Variants in TRPC4AP observed in about 807,000 individuals in gnomAD.
TRPC4AP encodes the protein transient receptor potential cation channel subfamily C member 4 associated protein.
TRPC4AP carries 45 observed loss-of-function variants against 99.0 expected under a neutral mutation model. The observed-to-expected ratio is 0.45, with a 90% CI of 0.36 to 0.58. The LOEUF (loss-of-function observed/expected upper bound fraction) is 0.58. Among genes scored for constraint, TRPC4AP ranks in the 20% least tolerant of loss-of-function variants. The pLI is 0.00. For synonymous variants in TRPC4AP, 408 were observed against 385.8 expected (o/e 1.06, Z -0.67); for missense variants, 879 against 985.3 (o/e 0.89, Z 1.44).
intron 6 of TRPC4AP, among the ~76,000 whole-genome samples, chr20:35,046,661 G>C (rs1382793752): frequency 6.6e-6 from 1 of 152,062 alleles, no homozygotes; most frequent in African/African-American, 2.4e-5. Context: ...TGGAGGACAG[G>C]AATTTGCTGT....
At chr20:35,014,314 A>ATTTTTTTTTT (rs66518839) in intron 10 of TRPC4AP, among the ~76,000 whole-genome samples, 1 of 113,190 alleles carries the variant, frequency 8.8e-6, no homozygotes. Context: ...CTCAGGCAGA[A>ATTTTTTTTTT]TTTTTTTTTT....
At chr20:35,085,612 A>AG (rs1256847363) in intron 1 of TRPC4AP, among the ~76,000 whole-genome samples, 2 of 151,262 alleles carry the variant, frequency 1.3e-5, no homozygotes, top group Non-Finnish European at 3.0e-5. Context: ...CCCTGTCTAA[A>AG]AAAAAAAAAA....
At chr20:35,008,795 G>C (rs2082567958) in intron 12 of TRPC4AP, 48 bp from the exon 13 acceptor site, 1 of 1,561,166 alleles carries the variant, frequency 6.4e-7, no homozygotes, top group Admixed American at 1.7e-5. Context: ...GGCTGACAGG[G>C]GCCCTGGGGA....
In TRPC4AP at chr20:35,073,017, T is replaced by C. The variant is rs150363968; in HGVS notation, c.298-3605A>G. Among the ~76,000 whole-genome samples, 729 of 152,350 alleles carry C rather than the reference T, an allele frequency of 4.8e-3. 3 individuals are homozygous for C. The highest frequency in any genetic ancestry group is 8.5e-3 in the Non-Finnish European group (580 of 68,030). On this transcript the variant is annotated intron_variant, in intron 2 of 18. Transcript: ENST00000252015. Reference sequence around the variant, plus strand: ...CCTTCACATCCCTTGTGAGTTGGATTCCTAAGTATTTTAGTCTCTTTGTAG... The same window carrying C: ...CCTTCACATCCCTTGTGAGTTGGATCCCTAAGTATTTTAGTCTCTTTGTAG...
At chr20:35,081,504 C>T (rs979791632) in intron 1 of TRPC4AP, among the ~76,000 whole-genome samples, 1 of 151,092 alleles carries the variant, frequency 6.6e-6, no homozygotes, top group African/African-American at 2.4e-5. Flanking sequence ...CAGAATGCAA[C>T]CCTGTCTCAA....
At chr20:35,066,373 C>A (rs561489984) in intron 3 of TRPC4AP, among the ~76,000 whole-genome samples, 1 of 152,272 alleles carries the variant, frequency 6.6e-6, no homozygotes, top group South Asian at 2.1e-4. Context: ...TCCTAAAGTG[C>A]TGGGATTACA....
chr20:35,053,111 T>C (rs2083743512), intron 5 of TRPC4AP, among the ~76,000 whole-genome samples: 1 of 152,240 alleles, frequency 6.6e-6, no homozygotes, highest in Non-Finnish European at 1.5e-5. Context: ...TATAATTTAA[T>C]ACATTCGTAT....
intron 7 of TRPC4AP, among the ~76,000 whole-genome samples, chr20:35,039,872 T>C (rs935188370): frequency 1.3e-5 from 2 of 151,532 alleles, no homozygotes; most frequent in African/African-American, 2.4e-5. Flanking sequence ...TCTCAAAAAA[T>C]AATGACTTAC....
Position 35,044,588 on chromosome 20 carries a change from T to C in TRPC4AP, c.782A>G (p.Asp261Gly). ...TTTGGCAAGAAGCGTGTGCTTGTCA[T>C]CATTCCCTGTATCCATCTCTGAAAT... The part of the protein sequence containing the change: ...VTISEMDTGN[D>G]DKHTLLAKNA... The change falls in exon 7 of 19, where the codon GAT (aspartate) becomes GGT (glycine). Residue 261 changes from aspartate (D) to glycine (G), a missense_variant. Physicochemically the swap from Asp to Gly is moderately conservative, Grantham distance 94. Coordinates refer to ENST00000252015, the MANE Select transcript of TRPC4AP (RefSeq NM_015638.3). The C allele has an allele frequency of 6.2e-7, 1 of 1,614,150 alleles. No homozygotes were observed. Among genetic ancestry groups the C allele is most frequent in the African/African-American group, 1.3e-5 (1 of 75,038 alleles).
chr20:35,087,145 C>G (rs1299738344), intron 1 of TRPC4AP, among the ~76,000 whole-genome samples: 1 of 146,806 alleles, frequency 6.8e-6, no homozygotes, highest in Non-Finnish European at 1.5e-5. Context: ...CTGGCTAACA[C>G]GGTGAAACCC....
chr20:35,033,016 G>A (rs1310436145), intron 8 of TRPC4AP, among the ~76,000 whole-genome samples: 1 of 151,864 alleles, frequency 6.6e-6, no homozygotes, highest in African/African-American at 2.4e-5. Flanking sequence ...CAGCAACTAG[G>A]TAAAATCCTT....
chr20:35,085,521 G>T (rs1399389609), intron 1 of TRPC4AP, among the ~76,000 whole-genome samples: 1 of 151,460 alleles, frequency 6.6e-6, no homozygotes, highest in East Asian at 1.9e-4. Context: ...GCTGAGGTGG[G>T]AGGATTGCTT....
chr20:35,024,092 G>A (rs186439510), intron 8 of TRPC4AP, among the ~76,000 whole-genome samples: 55 of 150,816 alleles, frequency 3.6e-4, no homozygotes, highest in Non-Finnish European at 2.9e-5. Flanking sequence ...ACCACTCTCT[G>A]TCTGCACTGC....
At chr20:35,034,070 G>C (rs2083261318) in intron 8 of TRPC4AP, among the ~76,000 whole-genome samples, 1 of 23,978 alleles carries the variant, frequency 4.2e-5, no homozygotes, top group South Asian at 1.4e-3. Context: ...GCGTGAACCC[G>C]GGAAGCGGAG....
chr20:35,007,011 A>C (rs1386217432), intron 14 of TRPC4AP, among the ~76,000 whole-genome samples: 1 of 152,244 alleles, frequency 6.6e-6, no homozygotes. Flanking sequence ...TTTATGAACG[A>C]AATTGTTTAA....
In TRPC4AP at chr20:35,081,235, G is replaced by A. The variant is rs554752700; in HGVS notation, c.169-3061C>T. ...TCCAATTAAAAACAAAGTTTGGGCC[G>A]GTTACAGGGCCTCATGCATGTTACT... On this transcript the variant is annotated intron_variant, in intron 1 of 18. Transcript: ENST00000252015. Among the ~76,000 whole-genome samples, 18 of 152,112 alleles carry A rather than the reference G, an allele frequency of 1.2e-4. No homozygotes were observed. The South Asian group carries it at 3.7e-3, about 32-fold the overall frequency.
At chr20:35,080,589 T>C (rs933453558) in intron 1 of TRPC4AP, among the ~76,000 whole-genome samples, 1 of 148,884 alleles carries the variant, frequency 6.7e-6, no homozygotes, top group African/African-American at 2.5e-5. Context: ...AGGCCATATA[T>C]TGTCTGATTC....
intron 8 of TRPC4AP, chr20:35,030,236 C>T (rs1450296446): frequency 1.6e-5 from 1 of 61,810 alleles, no homozygotes; most frequent in African/African-American, 9.3e-5. Flanking sequence ...AGCGAAACTC[C>T]ATATCAAAAA....
In TRPC4AP at chr20:35,044,543, C is replaced by T. The variant is rs1569115736; in HGVS notation, c.827G>A (p.Ser276Asn). The change falls in exon 7 of 19, where the codon AGC (serine) becomes AAC (asparagine). Residue 276 changes from serine to asparagine, a missense_variant. Physicochemically the swap from Ser to Asn is conservative, Grantham distance 46. Around this residue, in one of 3 missense-constraint regions of TRPC4AP, gnomAD observed 603 missense variants for 631.8 expected, o/e 0.95. Coordinates refer to ENST00000252015, the MANE Select transcript of TRPC4AP (RefSeq NM_015638.3). Reference sequence around the variant, plus strand: ...AGCTGCAGAAGGCCCCAAACTCAAGCTCTTCTTCTGTTGAGCATTTTTGGC... The same window carrying T: ...AGCTGCAGAAGGCCCCAAACTCAAGTTCTTCTTCTGTTGAGCATTTTTGGC... ...LLAKNAQQKK[S>N]LSLGPSAAEI... is the part of the protein sequence containing the mutation. The T allele has an allele frequency of 3.7e-6, 6 of 1,614,156 alleles. No homozygotes were observed. The South Asian group carries it at 5.5e-5, about 15-fold the overall frequency.
Sources: allele counts gnomAD v4.1 joint callset (sites outside exome capture counted in the v4.1 genomes callset), GRCh38; gene constraint gnomAD v4.1.1; regional missense constraint gnomAD v4.1.1; transcripts MANE v1.5; gene names NCBI Gene and HGNC (gene_info 2026-07-23, HGNC 2026-07-21).